Variants in CRYL1 observed in about 807,000 individuals in gnomAD.
The protein encoded by CRYL1 is lambda-crystallin homolog.
A neutral mutation model predicts 36.6 loss-of-function variants in CRYL1; 29 were observed. The observed-to-expected ratio is 0.79, with a 90% CI of 0.59 to 1.08. The LOEUF (loss-of-function observed/expected upper bound fraction) is 1.08, where lower values mean the gene tolerates loss of function less well. Ranked by LOEUF, CRYL1 falls within the 50% of genes least tolerant of loss-of-function variation. CRYL1 has a pLI of 0.00. For synonymous variants in CRYL1, 152 were observed against 151.5 expected (o/e 1.00, Z -0.02); for missense variants, 411 against 407.9 (o/e 1.01, Z -0.06).
chr13:20,460,566 C>T (rs895355198), intron 3 of CRYL1, among the ~76,000 whole-genome samples: 35 of 121,564 alleles, frequency 2.9e-4, no homozygotes, highest in Non-Finnish European at 4.1e-4. Flanking sequence ...CGCTCTGTCG[C>T]CCAGGCTGGA....
chr13:20,518,749 C>A (rs7323009), intron 1 of CRYL1, among the ~76,000 whole-genome samples: 5,452 of 152,154 alleles, frequency 0.036, 342 homozygotes, highest in African/African-American at 0.12. Context: ...GAGGCGGGAC[C>A]AGGACGGAGG....
At chr13:20,412,417 A>G (rs534109765) in intron 6 of CRYL1, among the ~76,000 whole-genome samples, 8 of 152,278 alleles carry the variant, frequency 5.3e-5, no homozygotes, top group African/African-American at 1.4e-4. Context: ...AATGTTATTA[A>G]TCTATAGTAA....
At chr13:20,524,175 A>G (rs2034145456) in intron 1 of CRYL1, among the ~76,000 whole-genome samples, 1 of 152,168 alleles carries the variant, frequency 6.6e-6, no homozygotes, top group South Asian at 2.1e-4. Context: ...ATCCACCATG[A>G]TAGTGCCACT....
intron 4 of CRYL1, among the ~76,000 whole-genome samples, chr13:20,434,391 C>T (rs867128357): frequency 1.9e-4 from 29 of 152,194 alleles, no homozygotes; most frequent in Middle Eastern, 6.8e-3. Flanking sequence ...AATCGGGGCT[C>T]TGTAAAACGC....
At chr13:20,488,367 T>G (rs1161074974) in intron 3 of CRYL1, among the ~76,000 whole-genome samples, 1 of 152,142 alleles carries the variant, frequency 6.6e-6, no homozygotes, top group Non-Finnish European at 1.5e-5. Context: ...GAGGATAATA[T>G]ATTAGAAAGA....
intron 3 of CRYL1, among the ~76,000 whole-genome samples, chr13:20,485,056 C>A (rs747069918): frequency 6.6e-6 from 1 of 152,076 alleles, no homozygotes; most frequent in African/African-American, 2.4e-5. Context: ...CTCACTCTGT[C>A]GCCCAGGCTG....
At chr13:20,482,530 A>C (rs568967218) in intron 3 of CRYL1, among the ~76,000 whole-genome samples, 1 of 152,344 alleles carries the variant, frequency 6.6e-6, no homozygotes, top group South Asian at 2.1e-4. Flanking sequence ...AATTGCACTA[A>C]GTTCTAGAAA....
intron 1 of CRYL1, among the ~76,000 whole-genome samples, chr13:20,521,986 T>C (rs1439150674): frequency 1.3e-5 from 2 of 152,136 alleles, no homozygotes; most frequent in Admixed American, 1.3e-4. Flanking sequence ...TGTGTATGTG[T>C]ACAAAAATTA....
chr13:20,439,967 C>T (rs1023798809), intron 3 of CRYL1: 2 of 471,448 alleles, frequency 4.2e-6, no homozygotes, highest in African/African-American at 3.9e-5. Flanking sequence ...CTAAAGCAAG[C>T]CATAAAAGAA....
intron 1 of CRYL1, among the ~76,000 whole-genome samples, chr13:20,524,911 C>CA (rs1002713674): frequency 1.3e-5 from 2 of 151,660 alleles, no homozygotes; most frequent in Non-Finnish European, 2.9e-5. Flanking sequence ...CAGCAGTCAC[C>CA]AAAAAGGTGC....
intron 2 of CRYL1, among the ~76,000 whole-genome samples, chr13:20,507,352 C>A (rs1829902620): frequency 1.3e-5 from 2 of 152,164 alleles, no homozygotes; most frequent in Admixed American, 1.3e-4. Flanking sequence ...TTGTCTATGG[C>A]TGCTTTTACT....
At chr13:20,520,930 C>A (rs2034083017) in intron 1 of CRYL1, among the ~76,000 whole-genome samples, 1 of 151,686 alleles carries the variant, frequency 6.6e-6, no homozygotes. Flanking sequence ...ACGGTGAAAC[C>A]CCATCTCTAC....
At chr13:20,520,461 C>A (rs2034073210) in intron 1 of CRYL1, among the ~76,000 whole-genome samples, 1 of 152,092 alleles carries the variant, frequency 6.6e-6, no homozygotes, top group Non-Finnish European at 1.5e-5. Context: ...AAAGGCAGCC[C>A]CCTAATCAAA....
intron 3 of CRYL1, among the ~76,000 whole-genome samples, chr13:20,446,917 C>G (rs2032469503): frequency 6.6e-6 from 1 of 152,118 alleles, no homozygotes; most frequent in Non-Finnish European, 1.5e-5. Flanking sequence ...GAAAAGAGCC[C>G]TTCATTTGTG....
intron 5 of CRYL1, among the ~76,000 whole-genome samples, chr13:20,419,441 C>T (rs555165829): frequency 1.2e-4 from 19 of 152,236 alleles, no homozygotes; most frequent in South Asian, 4.2e-4. Context: ...TACAGGCATG[C>T]GTCACCACGC....
At chr13:20,511,332 T>C (rs1025271873) in intron 2 of CRYL1, among the ~76,000 whole-genome samples, 1 of 151,966 alleles carries the variant, frequency 6.6e-6, no homozygotes, top group Non-Finnish European at 1.5e-5. Flanking sequence ...CCTCAAATGA[T>C]CCTCCCACCT....
intron 3 of CRYL1, among the ~76,000 whole-genome samples, chr13:20,469,479 G>A (rs549193126): frequency 2.0e-5 from 3 of 152,160 alleles, no homozygotes; most frequent in Non-Finnish European, 2.9e-5. Flanking sequence ...TTTCAGCTAC[G>A]TGCAATCTAA....
chr13:20,404,129 T>G lies in CRYL1; in HGVS notation c.960A>C (p.Ter320CysextTer27). Residue 320 changes from the stop codon to cysteine (C), a stop_lost, in exon 8 of 8, where the codon TGA becomes TGC. Coordinates refer to ENST00000298248, the MANE Select transcript of CRYL1 (RefSeq NM_015974.3). ...AKLKSQVQPQ[*>C] ...GAGTGGAAGCTGCATTACAAGAAAT[T>G]CACTGGGGCTGCACTTGACTCTTCA... 5.6e-6 allele frequency: 9 copies of G among 1,609,700 alleles called. No homozygotes were observed. The highest frequency in any genetic ancestry group is 7.7e-6 in the Non-Finnish European group (9 of 1,176,164).
chr13:20,469,243 C>T (rs1208842167), intron 3 of CRYL1, among the ~76,000 whole-genome samples: 1 of 152,202 alleles, frequency 6.6e-6, no homozygotes, highest in African/African-American at 2.4e-5. Context: ...AAGTTCAAAC[C>T]TAGGACTTTC....
Sources: gnomAD v4.1 joint callset for allele counts (sites outside exome capture counted in the v4.1 genomes callset) on GRCh38, gnomAD v4.1.1 for gene constraint, MANE v1.5 for transcripts, NCBI Gene and HGNC (gene_info 2026-07-23, HGNC 2026-07-21) for gene names.